Variants in ASB3 observed in about 807,000 individuals in gnomAD.
ASB3 encodes ankyrin repeat and SOCS box protein 3.
Under a neutral mutation model 54.5 loss-of-function variants are expected in ASB3, and 41 were observed. The observed-to-expected ratio is 0.75, with a 90% CI of 0.59 to 0.98. ASB3 has a LOEUF of 0.98. Ranked by LOEUF, ASB3 falls within the 50% of genes least tolerant of loss-of-function variation. ASB3 has a pLI of 0.00. For synonymous variants in ASB3, 266 were observed against 221.2 expected, an observed-to-expected ratio of 1.20 and a Z score of -1.80; for missense variants, 733 against 620.0, an observed-to-expected ratio of 1.18 and a Z score of -1.94.
Position 53,670,580 on chromosome 2 carries a change from G to C in ASB3, c.1480C>G (p.Leu494Val). The change falls in exon 10 of 10, where the codon CTA (leucine) becomes GTA (valine). Residue 494 changes from leucine (L) to valine (V), a missense_variant. Physicochemically the swap from Leu to Val is conservative, Grantham distance 32. Transcript: ENST00000263634. ...TCTTCATAGAGCAAATAATTATGTA[G>C]GCTTCTGGGAAGTGGCAGCTGACTA... ...YISQLPLPRS[L>V]HNYLLYEDVL... 1 of 1,613,938 alleles carries C rather than the reference G, an allele frequency of 6.2e-7. No homozygotes were observed. The highest frequency in any genetic ancestry group is 1.1e-5 in the South Asian group (1 of 91,054).
intron 7 of ASB3, among the ~76,000 whole-genome samples, chr2:53,703,197 T>C (rs1266620890): frequency 3.9e-5 from 6 of 152,242 alleles, no homozygotes; most frequent in Non-Finnish European, 8.8e-5. Context: ...AGGAATCTTT[T>C]TCTTATATTT....
At chr2:53,744,156 T>G (rs1342348351) in intron 3 of ASB3, among the ~76,000 whole-genome samples, 2 of 151,346 alleles carry the variant, frequency 1.3e-5, no homozygotes, top group African/African-American at 2.4e-5. Context: ...GCAGGTGGAC[T>G]GCGAGGTCAG....
chr2:53,768,054 CCCCCTGA>C lies in ASB3; in HGVS notation c.-13-2476_-13-2470del, dbSNP rs1230010990. 9 of 1,607,372 alleles carry C rather than the reference CCCCCTGA, an allele frequency of 5.6e-6. No individual in the cohort carries two copies. In the South Asian group the frequency reaches 6.6e-5, roughly 12 times the overall value. Reference sequence around the variant, plus strand: ...GCCGGTCAGCTCCCCACACTTACTGCCCCCTGACCCCTGCTCCCCAACTCCACACACA... The same window carrying C: ...GCCGGTCAGCTCCCCACACTTACTGCCCCCTGCTCCCCAACTCCACACACA... On this transcript the variant is annotated intron_variant, in intron 1 of 9. Transcript: ENST00000263634.
chr2:53,694,908 G>T (rs1229241385), intron 8 of ASB3, among the ~76,000 whole-genome samples: 5 of 152,022 alleles, frequency 3.3e-5, no homozygotes, highest in Non-Finnish European at 5.9e-5. Context: ...TACCAGAAAC[G>T]ATTTGAAAAC....
intron 9 of ASB3, among the ~76,000 whole-genome samples, chr2:53,688,235 T>C (rs1160493514): frequency 6.6e-6 from 1 of 152,204 alleles, no homozygotes; most frequent in Non-Finnish European, 1.5e-5. Flanking sequence ...GAAAAACCAG[T>C]GTCTTAATAC....
In ASB3 at chr2:53,682,978, G is replaced by C. The variant is rs535515498; in HGVS notation, c.1369+10906C>G. ...TGGATGCCCTTTCTTTCTTTCTCTT[G>C]TCTGACTGCTCTAACTAGGACTTCC... On this transcript the variant is annotated intron_variant, in intron 9 of 9. Transcript: ENST00000263634. Among the ~76,000 whole-genome samples the C allele has an allele frequency of 3.3e-5, 5 of 152,056 alleles. No homozygotes were observed. The East Asian group carries it at 9.7e-4, about 29-fold the overall frequency.
At chr2:53,765,675 A>G in intron 1 of ASB3, 90 bp from the exon 2 acceptor site, 4 of 1,462,394 alleles carry the variant, frequency 2.7e-6, no homozygotes, top group Non-Finnish European at 3.7e-6. Flanking sequence ...CCTGTCTAGT[A>G]TCTCTCACAT....
At chr2:53,687,731 A>G (rs979276840) in intron 9 of ASB3, among the ~76,000 whole-genome samples, 1 of 152,242 alleles carries the variant, frequency 6.6e-6, no homozygotes, top group Admixed American at 6.5e-5. Context: ...AATGTTTAAA[A>G]TAAGGAGCAA....
intron 8 of ASB3, 104 bp from the exon 9 acceptor site, chr2:53,694,118 G>C: frequency 7.3e-7 from 1 of 1,369,136 alleles, no homozygotes; most frequent in Non-Finnish European, 9.9e-7. Context: ...TCAATGAGGA[G>C]GGCAGACAGA....
intron 2 of ASB3, among the ~76,000 whole-genome samples, chr2:53,757,296 C>T (rs568573270): frequency 6.6e-6 from 1 of 152,228 alleles, no homozygotes; most frequent in African/African-American, 2.4e-5. Flanking sequence ...AACGTCCAAC[C>T]CTTCTGGGTT....
intron 7 of ASB3, among the ~76,000 whole-genome samples, chr2:53,707,752 A>AT (rs1669865773): frequency 1.3e-5 from 2 of 151,936 alleles, no homozygotes; most frequent in Admixed American, 1.3e-4. Flanking sequence ...ACTTGAGCTT[A>AT]CGAGTTATAG....
At position 53,740,556 on chromosome 2, in the gene ASB3, T is replaced by G. The variant is rs1671878499; in HGVS notation, c.355+10227A>C. On this transcript the variant is annotated intron_variant, in intron 3 of 9. Transcript: ENST00000263634. ...TAGTATTTTATTGATATACAGAATT[T>G]TTTAAAAATTATACTAAAAAGTTAT... Among the ~76,000 whole-genome samples, 3 of 152,218 alleles carry G rather than the reference T, an allele frequency of 2.0e-5. No homozygotes were observed. In the South Asian group the frequency reaches 6.2e-4, roughly 32 times the overall value.
chr2:53,782,733 G>C (rs2104226365), intron 1 of ASB3, among the ~76,000 whole-genome samples: 1 of 152,188 alleles, frequency 6.6e-6, no homozygotes, highest in South Asian at 2.1e-4. Context: ...CTTCACTCAA[G>C]GACCCTAAAG....
intron 7 of ASB3, among the ~76,000 whole-genome samples, chr2:53,701,723 T>G (rs1454646189): frequency 1.3e-5 from 2 of 152,208 alleles, no homozygotes; most frequent in Non-Finnish European, 2.9e-5. Flanking sequence ...AAATATATGC[T>G]CAATGTTTTT....
intron 2 of ASB3, among the ~76,000 whole-genome samples, chr2:53,764,310 T>C (rs1329859189): frequency 1.3e-5 from 2 of 152,128 alleles, no homozygotes; most frequent in Non-Finnish European, 2.9e-5. Flanking sequence ...TTCAATTAAA[T>C]GTTAGAAGCT....
chr2:53,704,648 G>C (rs935738678), intron 7 of ASB3, among the ~76,000 whole-genome samples: 62 of 152,034 alleles, frequency 4.1e-4, no homozygotes, highest in African/African-American at 1.4e-3. Context: ...AATTGGAAAA[G>C]CTTCATACAG....
Position 53,695,012 on chromosome 2 carries a change from AC to A in ASB3, c.1239-999del, listed in dbSNP as rs376550748. On this transcript the variant is annotated intron_variant, in intron 8 of 9. Transcript: ENST00000263634. ...GATTACTTATCCTGTATTCAATTAG[AC>A]CCCCCCTACCATCACAATGGTTGGA... is the stretch of plus-strand genomic sequence containing the variant. 5.9e-5 allele frequency among the ~76,000 whole-genome samples: 9 copies of A among 151,596 alleles called. No homozygotes were observed. The South Asian group carries it at 8.4e-4, about 14-fold the overall frequency.
chr2:53,765,495 T>C lies in ASB3; in HGVS notation c.78A>G (p.Leu26=), dbSNP rs770857099. ...LAAREGNVKV[L]RKLLKKGRSV... ...TTCGGCCCTTTTTGAGCAGTTTCCT[T>C]AAGACTTTAACATTGCCTTCCCTGG... The change falls in exon 2 of 10, where the codon TTA becomes TTG. Residue 26 remains leucine, a synonymous_variant. Transcript: ENST00000263634. The C allele has an allele frequency of 1.2e-5, 19 of 1,614,122 alleles. No individual in the cohort carries two copies. In the East Asian group the frequency reaches 4.0e-4, roughly 34 times the overall value.
intron 9 of ASB3, among the ~76,000 whole-genome samples, chr2:53,685,939 C>T (rs1488039960): frequency 1.3e-5 from 2 of 152,136 alleles, no homozygotes; most frequent in Non-Finnish European, 2.9e-5. Context: ...TCATCCAGTG[C>T]CTTGGGCTGA....
Sources: gnomAD v4.1 joint callset for allele counts (sites outside exome capture counted in the v4.1 genomes callset) on GRCh38, gnomAD v4.1.1 for gene constraint, MANE v1.5 for transcripts, NCBI Gene and HGNC (gene_info 2026-07-23, HGNC 2026-07-21) for gene names.